The following TNFAIP8 variants were observed in gnomAD, a reference collection of about 807,000 sequenced individuals.
TNFAIP8 encodes TNF alpha induced protein 8, also known as tumor necrosis factor alpha-induced protein 8.
Under a neutral mutation model 13.3 loss-of-function variants are expected in TNFAIP8, and 7 were observed. The observed-to-expected ratio is 0.52, with a 90% confidence interval of 0.30 to 0.99. The LOEUF (loss-of-function observed/expected upper bound fraction) is 0.99, where lower values mean the gene tolerates loss of function less well. TNFAIP8 is among the 50% of genes least tolerant of loss of function. The probability of loss-of-function intolerance (pLI) is 0.07; values close to 1 mark genes in which losing one functional copy is unlikely to be tolerated. For synonymous variants in TNFAIP8, 94 were observed against 87.6 expected (o/e 1.07, Z -0.41); for missense variants, 258 against 236.9 (o/e 1.09, Z -0.58).
At position 119,349,947 on chromosome 5, in the gene TNFAIP8, A is replaced by G. The variant is rs141151756; in HGVS notation, c.2-42869A>G. 3.5e-4 allele frequency among the ~76,000 whole-genome samples: 53 copies of G among 152,370 alleles called. 1 individual carries two copies. Among genetic ancestry groups the G allele is most frequent in the African/African-American group, 1.2e-3 (50 of 41,584 alleles). On this transcript the variant is annotated intron_variant, in intron 1 of 1. Transcript: ENST00000274456. ...GTGAGAAAGTCTGGATATAGGAGAC[A>G]GGAGGCTTAGATTGCATTCATTGTG...
Position 119,350,435 on chromosome 5 carries a change from G to A in TNFAIP8, c.2-42381G>A, listed in dbSNP as rs551507138. On this transcript the variant is annotated intron_variant, in intron 1 of 1. Transcript: ENST00000274456. ...GATTTTGGTATCCTCAAGGGTCTTG[G>A]AACCAATCTCCCACAGATGCTGAGA... Among the ~76,000 whole-genome samples the A allele has an allele frequency of 2.6e-5, 4 of 152,264 alleles. No homozygotes were observed. In the East Asian group the frequency reaches 7.7e-4, roughly 29 times the overall value.
chr5:119,376,701 G>T (rs1023392937), intron 1 of TNFAIP8, among the ~76,000 whole-genome samples: 1 of 152,014 alleles, frequency 6.6e-6, no homozygotes, highest in Non-Finnish European at 1.5e-5. Context: ...TACTTTCAGG[G>T]AGTACGGAAA....
At chr5:119,384,458 G>A (rs1752597640) in intron 1 of TNFAIP8, among the ~76,000 whole-genome samples, 1 of 151,970 alleles carries the variant, frequency 6.6e-6, no homozygotes, top group Non-Finnish European at 1.5e-5. Context: ...ACTCCAGCCT[G>A]GGCAAAAGAG....
intron 1 of TNFAIP8, among the ~76,000 whole-genome samples, chr5:119,387,977 A>G (rs1056833121): frequency 1.3e-5 from 2 of 152,212 alleles, no homozygotes; most frequent in African/African-American, 4.8e-5. Context: ...AAACTGAATG[A>G]ATATTTTCAG....
At chr5:119,309,089 T>C (rs1001989573) in intron 1 of TNFAIP8, among the ~76,000 whole-genome samples, 1 of 152,182 alleles carries the variant, frequency 6.6e-6, no homozygotes, top group Non-Finnish European at 1.5e-5. Flanking sequence ...TTTTGTGAAA[T>C]ACAAAGATCA....
At chr5:119,283,388 C>T (rs932063408) in intron 1 of TNFAIP8, among the ~76,000 whole-genome samples, 2 of 152,182 alleles carry the variant, frequency 1.3e-5, no homozygotes, top group Admixed American at 6.5e-5. Context: ...GTCCCAGCTA[C>T]TCTGGAGGCT....
chr5:119,348,473 A>G (rs1386058917), intron 1 of TNFAIP8, among the ~76,000 whole-genome samples: 2 of 152,122 alleles, frequency 1.3e-5, no homozygotes, highest in African/African-American at 4.8e-5. Flanking sequence ...ATGGAAATGG[A>G]GTTGTTTTTT....
At chr5:119,381,846 C>T (rs1283384570) in intron 1 of TNFAIP8, among the ~76,000 whole-genome samples, 2 of 151,990 alleles carry the variant, frequency 1.3e-5, no homozygotes, top group East Asian at 3.9e-4. Flanking sequence ...GCAGGAGAAT[C>T]GCTTGAACCC....
intron 1 of TNFAIP8, among the ~76,000 whole-genome samples, chr5:119,278,384 T>A (rs112845437): frequency 0.28 from 31,281 of 113,412 alleles, 3,936 homozygotes; most frequent in Non-Finnish European, 0.31. Flanking sequence ...AGAGTGTGTG[T>A]GTGTGTGTGT....
At chr5:119,357,197 T>C (rs563025851) in intron 1 of TNFAIP8, among the ~76,000 whole-genome samples, 2 of 152,250 alleles carry the variant, frequency 1.3e-5, no homozygotes, top group Middle Eastern at 3.4e-3. Flanking sequence ...TATTATGCTG[T>C]GTGAGGGAAA....
intron 1 of TNFAIP8, among the ~76,000 whole-genome samples, chr5:119,286,151 T>C (rs1179606917): frequency 6.6e-6 from 1 of 152,176 alleles, no homozygotes; most frequent in Admixed American, 6.5e-5. Flanking sequence ...TAGAAAAATC[T>C]GTGTAAAAAG....
intron 1 of TNFAIP8, among the ~76,000 whole-genome samples, chr5:119,308,019 C>T (rs78493585): frequency 0.03 from 4,565 of 152,288 alleles, 89 homozygotes; most frequent in Middle Eastern, 0.048. Context: ...TTGAAAAATA[C>T]TAATATCATG....
chr5:119,337,642 A>G (rs1424320993), intron 1 of TNFAIP8, among the ~76,000 whole-genome samples: 1 of 152,262 alleles, frequency 6.6e-6, no homozygotes, highest in Non-Finnish European at 1.5e-5. Context: ...AACAAAGTAC[A>G]TGCAGAAATG....
At chr5:119,355,092 C>T (rs1751332915), upstream of TNFAIP8, 1 of 534,980 alleles carries the variant, frequency 1.9e-6, no homozygotes, top group Non-Finnish European at 3.4e-6. Context: ...GGGACTTCCT[C>T]TCAGCCAATT....
At chr5:119,338,398 C>A (rs574375019) in intron 1 of TNFAIP8, among the ~76,000 whole-genome samples, 27 of 152,302 alleles carry the variant, frequency 1.8e-4, no homozygotes, top group African/African-American at 6.5e-4. Context: ...ACCTTACAGA[C>A]CCCCTACCCC....
intron 1 of TNFAIP8, among the ~76,000 whole-genome samples, chr5:119,357,243 C>A (rs531986076): frequency 6.6e-6 from 1 of 152,126 alleles, no homozygotes; most frequent in Non-Finnish European, 1.5e-5. Context: ...AATAGAAATA[C>A]GGGGCTGGCA....
At chr5:119,308,162 A>G (rs1340628907) in intron 1 of TNFAIP8, among the ~76,000 whole-genome samples, 5 of 152,166 alleles carry the variant, frequency 3.3e-5, no homozygotes, top group Admixed American at 3.3e-4. Flanking sequence ...TTATTAGATA[A>G]ATATTACAGG....
intron 1 of TNFAIP8, among the ~76,000 whole-genome samples, chr5:119,277,150 G>T (rs996073164): frequency 2.0e-5 from 3 of 152,048 alleles, no homozygotes; most frequent in African/African-American, 7.2e-5. Context: ...TTTTCAGACT[G>T]CATGGTCTGT....
At chr5:119,382,592 G>C (rs915728890) in intron 1 of TNFAIP8, among the ~76,000 whole-genome samples, 3 of 152,108 alleles carry the variant, frequency 2.0e-5, no homozygotes, top group Admixed American at 1.3e-4. Flanking sequence ...TACATCAGTT[G>C]ACCCAATTAT....
Sources: allele counts gnomAD v4.1 joint callset (sites outside exome capture counted in the v4.1 genomes callset), GRCh38; gene constraint gnomAD v4.1.1; transcripts MANE v1.5; gene names NCBI Gene and HGNC (gene_info 2026-07-23, HGNC 2026-07-21).